STX18: variants seen among roughly 807,000 people sequenced by gnomAD.
The protein encoded by STX18 is syntaxin-18.
In STX18, 40 loss-of-function variants were observed where a neutral mutation model predicts 50.1. The ratio of observed to expected loss-of-function variants is 0.80; its 90% CI spans 0.62 to 1.04. The LOEUF is 1.04. Ranked by LOEUF, STX18 falls within the 50% of genes least tolerant of loss-of-function variation. The pLI is 0.00. For synonymous variants in STX18, 158 were observed against 151.8 expected (o/e 1.04, Z -0.30); for missense variants, 410 against 415.8 (o/e 0.99, Z 0.12).
At chr4:4,441,972 G>C (rs1299500241) in intron 5 of STX18, among the ~76,000 whole-genome samples, 1 of 152,210 alleles carries the variant, frequency 6.6e-6, no homozygotes, top group East Asian at 1.9e-4. Flanking sequence ...CTAGGGTATA[G>C]GTATATGGGT....
chr4:4,470,213 C>T (rs942042187), intron 2 of STX18, among the ~76,000 whole-genome samples: 3 of 152,190 alleles, frequency 2.0e-5, no homozygotes, highest in Non-Finnish European at 2.9e-5. Context: ...ATGTCAGCAC[C>T]TCCTCAGTTT....
intron 2 of STX18, among the ~76,000 whole-genome samples, chr4:4,468,772 A>C (rs1408259184): frequency 6.6e-6 from 1 of 152,154 alleles, no homozygotes; most frequent in Non-Finnish European, 1.5e-5. Flanking sequence ...TTTCACCCCT[A>C]GGTATTTATT....
intron 1 of STX18, among the ~76,000 whole-genome samples, chr4:4,474,859 T>C (rs6446650): frequency 0.34 from 51,564 of 152,134 alleles, 12,580 homozygotes; most frequent in African/African-American, 0.69. Context: ...TTTTGGACAC[T>C]TGACTTATAG....
At chr4:4,499,479 T>A (rs1478467494) in intron 1 of STX18, 6 of 984,988 alleles carry the variant, frequency 6.1e-6, no homozygotes, top group Non-Finnish European at 7.2e-6. Context: ...CAGCATTTCA[T>A]ATGCACAGAT....
intron 1 of STX18, among the ~76,000 whole-genome samples, chr4:4,500,929 CGGG>C (rs1560196103): frequency 4.6e-5 from 7 of 152,090 alleles, no homozygotes; most frequent in Middle Eastern, 3.4e-3. Flanking sequence ...CTCAGCTACT[CGGG>C]AGGCTGAAGC....
rs189820425 is a variant in STX18, at chr4:4,466,975, C to T, written c.236+4664G>A. 3.3e-5 allele frequency among the ~76,000 whole-genome samples: 5 copies of T among 151,384 alleles called. No homozygotes were observed. In the South Asian group the frequency reaches 8.4e-4, roughly 26 times the overall value. Reference sequence around the variant, plus strand: ...GATTAAGGATGAAATCCTAGGGAGTCGAAGCTGTCCTCTTGCACAGAGTCA... The same window carrying T: ...GATTAAGGATGAAATCCTAGGGAGTTGAAGCTGTCCTCTTGCACAGAGTCA... On this transcript the variant is annotated intron_variant, in intron 2 of 10. Coordinates refer to ENST00000306200, the MANE Select transcript of STX18 (RefSeq NM_016930.4).
Position 4,434,164 on chromosome 4 carries a change from G to A in STX18, c.702+606C>T, listed in dbSNP as rs570304244. Among the ~76,000 whole-genome samples the A allele has an allele frequency of 1.1e-4, 16 of 152,320 alleles. 1 individual carries two copies. The highest frequency in any genetic ancestry group is 3.6e-4 in the African/African-American group (15 of 41,578). ...GTGTCACATCCTAGCAGCTCTAGGT[G>A]ACATCTATTCCCACACACAGATAGC... On this transcript the variant is annotated intron_variant, in intron 7 of 10. Transcript: ENST00000306200.
chr4:4,424,888 AG>A (rs1267058803), intron 8 of STX18, among the ~76,000 whole-genome samples: 2 of 152,106 alleles, frequency 1.3e-5, no homozygotes, highest in African/African-American at 4.8e-5. Flanking sequence ...AATTATACGC[AG>A]GTAATCTGTA....
At chr4:4,534,879 T>G (rs1278138537) in intron 1 of STX18, among the ~76,000 whole-genome samples, 1 of 152,284 alleles carries the variant, frequency 6.6e-6, no homozygotes, top group Admixed American at 6.5e-5. Context: ...AAACTTTATT[T>G]ACACAACTAG....
intron 5 of STX18, among the ~76,000 whole-genome samples, chr4:4,442,118 T>A (rs1345939241): frequency 6.6e-6 from 1 of 152,104 alleles, no homozygotes; most frequent in East Asian, 1.9e-4. Flanking sequence ...ATGAAAAGAT[T>A]GACAGACCAA....
intron 2 of STX18, among the ~76,000 whole-genome samples, chr4:4,465,545 A>G (rs1577347555): frequency 6.6e-6 from 1 of 152,194 alleles, no homozygotes; most frequent in East Asian, 1.9e-4. Flanking sequence ...TATAAATGGG[A>G]GCTGAATTAT....
chr4:4,480,856 T>C (rs1220867954), intron 1 of STX18, among the ~76,000 whole-genome samples: 2 of 152,206 alleles, frequency 1.3e-5, no homozygotes, highest in Non-Finnish European at 2.9e-5. Context: ...TCTTTTGATC[T>C]GGAATCAAAG....
chr4:4,461,932 T>C, intron 2 of STX18: 1 of 456,282 alleles, frequency 2.2e-6, no homozygotes, highest in South Asian at 1.5e-5. Flanking sequence ...TTCCGCTCTG[T>C]TCCTCTCTCT....
At chr4:4,529,811 A>G (rs116697951) in intron 1 of STX18, among the ~76,000 whole-genome samples, 96 of 152,352 alleles carry the variant, frequency 6.3e-4, no homozygotes, top group African/African-American at 2.3e-3. Flanking sequence ...AGGGCCAGGT[A>G]CAGTAGGTGC....
chr4:4,445,509 T>C (rs73086235), intron 5 of STX18, among the ~76,000 whole-genome samples: 10,765 of 151,930 alleles, frequency 0.071, 1,238 homozygotes, highest in African/African-American at 0.24. Flanking sequence ...CAGGTCAATA[T>C]ACAAAAATTA....
chr4:4,527,867 C>CACATATATAT (rs372566368), intron 1 of STX18, among the ~76,000 whole-genome samples: 439 of 137,202 alleles, frequency 3.2e-3, no homozygotes, highest in South Asian at 6.4e-3. Context: ...CACACACACA[C>CACATATATAT]ATATATATAT....
chr4:4,444,763 C>T (rs1035388304), intron 5 of STX18, among the ~76,000 whole-genome samples: 3 of 152,200 alleles, frequency 2.0e-5, no homozygotes, highest in African/African-American at 7.2e-5. Flanking sequence ...AGAACAGCTA[C>T]ATAATACCTA....
In STX18 at chr4:4,535,882, C is replaced by A. The variant is rs149286193; in HGVS notation, c.168+5915G>T. Among the ~76,000 whole-genome samples the A allele has an allele frequency of 5.3e-5, 8 of 152,304 alleles. No individual in the cohort carries two copies. In the East Asian group the frequency reaches 1.5e-3, roughly 29 times the overall value. On this transcript the variant is annotated intron_variant, in intron 1 of 10. Transcript: ENST00000306200. ...ATCCCCTAACTATGATTATACTCAACCCTTAGGTAAAATTTATAATCCAGG... is the reference window on the plus strand; with the variant it reads ...ATCCCCTAACTATGATTATACTCAAACCTTAGGTAAAATTTATAATCCAGG...
chr4:4,527,788 T>TA (rs1359169174), intron 1 of STX18, among the ~76,000 whole-genome samples: 7 of 146,246 alleles, frequency 4.8e-5, no homozygotes, highest in African/African-American at 1.8e-4. Context: ...ATATATATAA[T>TA]TTTATATATA....
Sources: gnomAD v4.1 joint callset for allele counts (sites outside exome capture counted in the v4.1 genomes callset) on GRCh38, gnomAD v4.1.1 for gene constraint, MANE v1.5 for transcripts, NCBI Gene and HGNC (gene_info 2026-07-23, HGNC 2026-07-21) for gene names.